The following CTCFL variants were observed in gnomAD, a reference collection of about 807,000 sequenced individuals.
The protein encoded by CTCFL is transcriptional repressor CTCFL.
CTCFL carries 36 observed loss-of-function variants against 67.4 expected under a neutral mutation model. That is an observed-to-expected ratio of 0.53 (90% CI 0.41 to 0.71). The LOEUF (loss-of-function observed/expected upper bound fraction) is 0.71. Among genes scored for constraint, CTCFL ranks in the 30% least tolerant of loss-of-function variants. The probability of loss-of-function intolerance (pLI) is 0.00; values close to 1 mark genes in which losing one functional copy is unlikely to be tolerated. For missense variants in CTCFL, 786 were observed against 835.2 expected, an observed-to-expected ratio of 0.94 and a Z score of 0.73; for synonymous variants, 324 against 302.3, an observed-to-expected ratio of 1.07 and a Z score of -0.75.
chr20:57,500,599 CAT>C (rs1348256585), intron 10 of CTCFL, among the ~76,000 whole-genome samples: 4 of 152,126 alleles, frequency 2.6e-5, no homozygotes, highest in African/African-American at 9.7e-5. Flanking sequence ...CAGATTAAGT[CAT>C]ATTTTTTGCC....
intron 10 of CTCFL, among the ~76,000 whole-genome samples, chr20:57,499,397 C>G (rs1242083675): frequency 6.6e-6 from 1 of 152,158 alleles, no homozygotes; most frequent in Non-Finnish European, 1.5e-5. Flanking sequence ...AGGAGCCAGT[C>G]TGCACAACTT....
intron 8 of CTCFL, among the ~76,000 whole-genome samples, chr20:57,511,910 A>T (rs6025600): frequency 0.02 from 3,008 of 152,218 alleles, 109 homozygotes; most frequent in African/African-American, 0.068. Flanking sequence ...TTCATTTTTT[A>T]AAAAAATGTC....
chr20:57,507,194 CTT>C (rs113180346), intron 9 of CTCFL: 1,016 of 212,050 alleles, frequency 4.8e-3, no homozygotes, highest in Non-Finnish European at 6.9e-3. Context: ...GAATGTGCCA[CTT>C]TTTTTTTTTT....
Position 57,497,614 on chromosome 20 carries a change from T to G in CTCFL, c.*936A>C, listed in dbSNP as rs182773774. The G allele has an allele frequency of 4.5e-4, 443 of 985,342 alleles. 2 individuals are homozygous for G. In the African/African-American group the frequency reaches 7.2e-3, roughly 16 times the overall value. The allele number at this position is 985,342 out of a possible 1,614,324, so 61.0% of individuals were successfully genotyped here. On this transcript the variant is annotated 3_prime_UTR_variant, in exon 11 of 11. Transcript: ENST00000243914. ...TCGAGGGTGGAAAAATCTTGTCAAC[T>G]GGCAAAAGGGAAATACTCACTAATC...
Position 57,523,085 on chromosome 20 carries a change from T to G in CTCFL, c.737A>C (p.Asn246Thr). 1 of 1,613,628 alleles carries G rather than the reference T, an allele frequency of 6.2e-7. No individual in the cohort carries two copies. Among genetic ancestry groups the G allele is most frequent in the Middle Eastern group, 1.6e-4 (1 of 6,062 alleles). The part of the protein sequence containing the change: ...ADAEKAKSTK[N>T]QRKTKGAKGT... ...TGGCCTACCCTTTGTCTTTCTTTGATTTTTTGTAGATTTGGCCTTTTCAGC... is the reference window on the plus strand; with the variant it reads ...TGGCCTACCCTTTGTCTTTCTTTGAGTTTTTGTAGATTTGGCCTTTTCAGC... The change falls in exon 3 of 11, where the codon AAT becomes ACT. Residue 246 changes from asparagine (N) to threonine (T), a missense_variant. Physicochemically the swap from Asn to Thr is moderately conservative, Grantham distance 65. Around this residue, in one of 3 missense-constraint regions of CTCFL, gnomAD observed 333 missense variants for 304.6 expected, o/e 1.09. Transcript: ENST00000243914.
chr20:57,517,589 T>A (rs993819597), intron 5 of CTCFL, among the ~76,000 whole-genome samples: 15 of 152,102 alleles, frequency 9.9e-5, no homozygotes, highest in African/African-American at 3.6e-4. Context: ...ATTCAAAAGC[T>A]TTTTTAAAAA....
chr20:57,513,997 T>C (rs1418250125), intron 7 of CTCFL: 1 of 803,084 alleles, frequency 1.2e-6, no homozygotes, highest in Non-Finnish European at 1.7e-6. Context: ...TCCAAGACCC[T>C]CTGGATTCCC....
chr20:57,522,336 G>A (rs73178729), intron 3 of CTCFL, among the ~76,000 whole-genome samples: 4,385 of 152,230 alleles, frequency 0.029, 110 homozygotes, highest in Non-Finnish European at 0.048. Flanking sequence ...TGAAATTTTG[G>A]GGGTGAAATA....
chr20:57,524,764 G>C, intron 1 of CTCFL: 1 of 987,380 alleles, frequency 1.0e-6, no homozygotes, highest in Non-Finnish European at 1.2e-6. Flanking sequence ...AGCCAGGCAG[G>C]CTTTGGGCCT....
rs1364823374 is a variant in CTCFL, at chr20:57,497,932, A to G, written c.*618T>C. On this transcript the variant is annotated 3_prime_UTR_variant, in exon 11 of 11. Transcript: ENST00000243914. ...ATTTTCTAGTCTAATCTAGTATTTC[A>G]TTTCCTACTCAGTTTTCCTTTTTAT... 2 of 949,464 alleles carry G rather than the reference A, an allele frequency of 2.1e-6. No homozygotes were observed. The highest frequency in any genetic ancestry group is 2.3e-4 in the East Asian group (2 of 8,650). The allele number at this position is 949,464 out of a possible 1,614,324, so 58.8% of individuals were successfully genotyped here.
At chr20:57,524,494 C>A in intron 1 of CTCFL, 1 of 1,227,748 alleles carries the variant, frequency 8.1e-7, no homozygotes. Context: ...ACATCCTGCG[C>A]CTGGCAAGGT....
intron 9 of CTCFL, among the ~76,000 whole-genome samples, 181 bp from the exon 10 acceptor site, chr20:57,503,782 T>C (rs919741660): frequency 3.3e-5 from 5 of 151,792 alleles, no homozygotes; most frequent in African/African-American, 4.8e-5. Flanking sequence ...AAGAAGGTAA[T>C]AGGAGGCCAG....
At chr20:57,503,998 A>T (rs2146298536) in intron 9 of CTCFL, among the ~76,000 whole-genome samples, 1 of 151,946 alleles carries the variant, frequency 6.6e-6, no homozygotes, top group East Asian at 1.9e-4. Context: ...AGCTACACTC[A>T]GGATGTTTGG....
chr20:57,521,490 G>A (rs575632325), intron 3 of CTCFL, among the ~76,000 whole-genome samples: 2 of 152,354 alleles, frequency 1.3e-5, no homozygotes, highest in South Asian at 4.1e-4. Context: ...TGGTGCAGCT[G>A]CTATGGAAAA....
chr20:57,514,440 C>G (rs1030285621), intron 7 of CTCFL, 152 bp downstream of exon 7: 5 of 844,102 alleles, frequency 5.9e-6, no homozygotes, highest in Non-Finnish European at 9.4e-6. Flanking sequence ...CCAGATGGTG[C>G]GACAGGACTT....
intron 1 of CTCFL, chr20:57,524,433 CA>C (rs1483937232): frequency 1.4e-6 from 2 of 1,393,316 alleles, no homozygotes; most frequent in Non-Finnish European, 1.9e-6. Context: ...GGATTTTGTA[CA>C]AAACCCTAGA....
chr20:57,508,411 A>G (rs944791579), intron 9 of CTCFL, among the ~76,000 whole-genome samples, 195 bp downstream of exon 9: 2 of 149,736 alleles, frequency 1.3e-5, no homozygotes, highest in Non-Finnish European at 3.0e-5. Flanking sequence ...GGATGAGGAG[A>G]CCACACTTTC....
chr20:57,513,306 A>G (rs2068685188), intron 7 of CTCFL: 1 of 985,870 alleles, frequency 1.0e-6, no homozygotes, highest in Non-Finnish European at 1.2e-6. Context: ...CCTGAGACAC[A>G]TGGTAAGGTC....
intron 5 of CTCFL, among the ~76,000 whole-genome samples, chr20:57,516,603 T>C (rs1040896803): frequency 2.6e-5 from 4 of 152,312 alleles, no homozygotes; most frequent in East Asian, 1.9e-4. Flanking sequence ...CTGTATGTCT[T>C]GCCTCATGGT....
Sources: gnomAD v4.1 joint callset for allele counts (sites outside exome capture counted in the v4.1 genomes callset) on GRCh38, gnomAD v4.1.1 for gene constraint, gnomAD v4.1.1 regional missense constraint, MANE v1.5 for transcripts, NCBI Gene and HGNC (gene_info 2026-07-23, HGNC 2026-07-21) for gene names.